DAAM1: variants seen among roughly 807,000 people sequenced by gnomAD.
DAAM1 encodes the protein disheveled-associated activator of morphogenesis 1.
A neutral mutation model predicts 130.0 loss-of-function variants in DAAM1; 52 were observed. That is an observed-to-expected ratio of 0.40 (90% CI 0.32 to 0.50). The LOEUF (loss-of-function observed/expected upper bound fraction) is 0.50, where lower values mean the gene tolerates loss of function less well. DAAM1 is among the 20% of genes least tolerant of loss of function. The pLI is 0.61. For synonymous variants in DAAM1, 452 were observed against 444.5 expected (o/e 1.02, Z -0.21); for missense variants, 1,134 against 1,303.8 (o/e 0.87, Z 2.01).
chr14:59,213,785 T>G (rs1888498609), intron 1 of DAAM1, among the ~76,000 whole-genome samples: 1 of 152,188 alleles, frequency 6.6e-6, no homozygotes, highest in South Asian at 2.1e-4. Flanking sequence ...ACAGAAGAGC[T>G]GATGCTGCAG....
At chr14:59,288,079 A>C (rs1273264666) in intron 2 of DAAM1, among the ~76,000 whole-genome samples, 2 of 152,160 alleles carry the variant, frequency 1.3e-5, no homozygotes, top group Non-Finnish European at 2.9e-5. Context: ...CAGACACATA[A>C]ACCAATGGAA....
chr14:59,264,194 G>C (rs1226729886), intron 2 of DAAM1: 1 of 163,490 alleles, frequency 6.1e-6, no homozygotes, highest in East Asian at 1.7e-4. Flanking sequence ...AATAACTGCT[G>C]TGGGAATCTT....
At chr14:59,311,171 AAT>A (rs1164261803) in intron 3 of DAAM1, among the ~76,000 whole-genome samples, 1 of 152,228 alleles carries the variant, frequency 6.6e-6, no homozygotes, top group Non-Finnish European at 1.5e-5. Flanking sequence ...CAAATTTCTA[AAT>A]ATATGAGTAT....
At chr14:59,331,560 T>A (rs753711786) in intron 14 of DAAM1, 52 bp downstream of exon 14, 1 of 1,525,366 alleles carries the variant, frequency 6.6e-7, no homozygotes, top group Admixed American at 2.2e-5. Flanking sequence ...AGCAGCTCAT[T>A]GTGTTATCAC....
At position 59,363,634 on chromosome 14, in the gene DAAM1, C is replaced by A. The variant is rs1886798943; in HGVS notation, c.2695-17C>A. The stretch of plus-strand genomic sequence containing the variant: ...ATTTGAAGCCTGCATTGACATTATT[C>A]ATTTCCTGTGTTTAAGGAGCTGGAA... On this transcript the variant is annotated splice_polypyrimidine_tract_variant and intron_variant, in intron 22 of 24. Transcript: ENST00000360909. 1 of 1,613,830 alleles carries A rather than the reference C, an allele frequency of 6.2e-7. No individual in the cohort carries two copies. Among genetic ancestry groups the A allele is most frequent in the Non-Finnish European group, 8.5e-7 (1 of 1,179,852 alleles).
intron 1 of DAAM1, among the ~76,000 whole-genome samples, chr14:59,238,826 C>T (rs1051354009): frequency 1.3e-5 from 2 of 152,122 alleles, no homozygotes; most frequent in South Asian, 2.1e-4. Flanking sequence ...TTAAATGTAT[C>T]GCTGACACAT....
At chr14:59,226,834 T>C (rs1259398531) in intron 1 of DAAM1, among the ~76,000 whole-genome samples, 2 of 152,166 alleles carry the variant, frequency 1.3e-5, no homozygotes, top group East Asian at 3.8e-4. Context: ...AACCTGGGAA[T>C]GGACTGGGAC....
At chr14:59,319,921 A>AACAC (rs10566854) in intron 4 of DAAM1, among the ~76,000 whole-genome samples, 56 of 150,332 alleles carry the variant, frequency 3.7e-4, no homozygotes, top group African/African-American at 1.2e-3. Context: ...CCTGGGTAGA[A>AACAC]ACACACACAC....
At chr14:59,276,951 A>G (rs971317802) in intron 2 of DAAM1, among the ~76,000 whole-genome samples, 5 of 152,176 alleles carry the variant, frequency 3.3e-5, no homozygotes, top group Admixed American at 2.6e-4. Context: ...TTATCTAAAT[A>G]TATATTTGTA....
At chr14:59,215,601 G>A (rs1888553824) in intron 1 of DAAM1, among the ~76,000 whole-genome samples, 1 of 152,198 alleles carries the variant, frequency 6.6e-6, no homozygotes, top group Admixed American at 6.5e-5. Flanking sequence ...CGGAGCTCAG[G>A]ATAACAAGGC....
At chr14:59,319,140 G>T (rs1884906380) in intron 4 of DAAM1, among the ~76,000 whole-genome samples, 1 of 152,144 alleles carries the variant, frequency 6.6e-6, no homozygotes, top group Non-Finnish European at 1.5e-5. Context: ...AGCTTTGGGA[G>T]AATTCATTGG....
chr14:59,279,795 A>G (rs1315323731), intron 2 of DAAM1, among the ~76,000 whole-genome samples: 1 of 152,224 alleles, frequency 6.6e-6, no homozygotes, highest in Non-Finnish European at 1.5e-5. Context: ...CAAAATGAGA[A>G]GGCAAGCCAC....
chr14:59,212,024 T>G (rs1888440170), intron 1 of DAAM1, among the ~76,000 whole-genome samples: 1 of 152,222 alleles, frequency 6.6e-6, no homozygotes, highest in African/African-American at 2.4e-5. Flanking sequence ...AATATGTGAT[T>G]GCTAGATTCA....
Position 59,331,347 on chromosome 14 carries a change from C to G in DAAM1, c.1699C>G (p.Pro567Ala). ...AGGTGGGATGCTTCCCCCTCCACCG[C>G]CTCCCCTCCCTCCAGGTGGCCCTCC... ...LPGGMLPPPP[P>A]PLPPGGPPPP... The change falls in exon 14 of 25, where the codon CCT becomes GCT. Residue 567 changes from proline to alanine, a missense_variant. Coordinates refer to ENST00000360909, the MANE Select transcript of DAAM1 (RefSeq NM_001270520.2). The G allele has an allele frequency of 6.2e-7, 1 of 1,611,896 alleles. No homozygotes were observed. Among genetic ancestry groups the G allele is most frequent in the Non-Finnish European group, 8.5e-7 (1 of 1,179,418 alleles).
At chr14:59,230,866 T>G (rs1889084151) in intron 1 of DAAM1, among the ~76,000 whole-genome samples, 1 of 152,180 alleles carries the variant, frequency 6.6e-6, no homozygotes, top group Non-Finnish European at 1.5e-5. Context: ...TACACCTATA[T>G]ACCCATAAAA....
intron 1 of DAAM1, among the ~76,000 whole-genome samples, chr14:59,207,380 T>A (rs1888291842): frequency 6.6e-6 from 1 of 152,228 alleles, no homozygotes. Context: ...GATAGTCTAG[T>A]CCAACAGGTT....
intron 1 of DAAM1, among the ~76,000 whole-genome samples, chr14:59,199,219 CAG>C (rs1213723837): frequency 2.0e-5 from 3 of 152,226 alleles, no homozygotes; most frequent in East Asian, 3.8e-4. Context: ...TGAAACTCGA[CAG>C]AGTCTTTTGG....
chr14:59,236,507 T>C (rs1040020028), intron 1 of DAAM1, among the ~76,000 whole-genome samples: 12 of 152,182 alleles, frequency 7.9e-5, no homozygotes, highest in Non-Finnish European at 1.3e-4. Flanking sequence ...CTTAGATTTT[T>C]GCATGGCTGT....
intron 3 of DAAM1, among the ~76,000 whole-genome samples, chr14:59,297,366 T>C (rs1041769238): frequency 6.6e-6 from 1 of 152,214 alleles, no homozygotes; most frequent in African/African-American, 2.4e-5. Context: ...TGATAAGAGA[T>C]GCAGAAGAGG....
Sources: gnomAD v4.1 joint callset for allele counts (sites outside exome capture counted in the v4.1 genomes callset) on GRCh38, gnomAD v4.1.1 for gene constraint, MANE v1.5 for transcripts, NCBI Gene and HGNC (gene_info 2026-07-23, HGNC 2026-07-21) for gene names.